Variants in BDH2 observed in about 807,000 individuals in gnomAD.
BDH2 encodes the protein dehydrogenase/reductase SDR family member 6.
A neutral mutation model predicts 33.2 loss-of-function variants in BDH2; 24 were observed. That is an observed-to-expected ratio of 0.72 (90% CI 0.52 to 1.02). The LOEUF (loss-of-function observed/expected upper bound fraction) is 1.02. Ranked by LOEUF, BDH2 falls within the 50% of genes least tolerant of loss-of-function variation. The pLI is 0.00. For synonymous variants in BDH2, 81 were observed against 101.6 expected, an observed-to-expected ratio of 0.80 and a Z score of 1.22; for missense variants, 249 against 301.6, an observed-to-expected ratio of 0.83 and a Z score of 1.29.
intron 5 of BDH2, among the ~76,000 whole-genome samples, chr4:103,087,359 G>A (rs1316814594): frequency 1.3e-5 from 2 of 152,172 alleles, no homozygotes; most frequent in Non-Finnish European, 2.9e-5. Context: ...GTTCAGACTT[G>A]GGGATTGCAA....
intron 5 of BDH2, among the ~76,000 whole-genome samples, chr4:103,090,518 GA>G (rs1288313254): frequency 6.6e-6 from 1 of 152,188 alleles, no homozygotes; most frequent in Non-Finnish European, 1.5e-5. Flanking sequence ...AGCCTAGACT[GA>G]AATTCACGAA....
intron 4 of BDH2, chr4:103,091,872 A>G: frequency 2.4e-6 from 1 of 424,366 alleles, no homozygotes; most frequent in Admixed American, 2.7e-5. Context: ...TTGCAAGGAA[A>G]ACAAGTGTCT....
At chr4:103,091,896 C>T (rs1453538992) in intron 4 of BDH2, among the ~76,000 whole-genome samples, 2 of 152,180 alleles carry the variant, frequency 1.3e-5, no homozygotes, top group Admixed American at 1.3e-4. Context: ...CATCTCAGAG[C>T]AGCAAAGTGA....
At chr4:103,090,657 C>T (rs569739651) in intron 5 of BDH2, among the ~76,000 whole-genome samples, 4 of 152,296 alleles carry the variant, frequency 2.6e-5, no homozygotes, top group East Asian at 1.9e-4. Context: ...CTACCTCATA[C>T]GATCATTCCA....
chr4:103,080,677 A>G (rs1053781672), intron 9 of BDH2, among the ~76,000 whole-genome samples: 1 of 152,242 alleles, frequency 6.6e-6, no homozygotes. Flanking sequence ...TACACATATG[A>G]ACTCCTCTGG....
chr4:103,098,462 C>T (rs1748510424), intron 1 of BDH2, among the ~76,000 whole-genome samples: 1 of 152,184 alleles, frequency 6.6e-6, no homozygotes, highest in Non-Finnish European at 1.5e-5. Context: ...GACCGCTGAC[C>T]CCAGGAAGTA....
Position 103,077,679 on chromosome 4 carries a change from C to A in BDH2, c.*2023G>T, listed in dbSNP as rs922643611. 1.6e-4 allele frequency among the ~76,000 whole-genome samples: 24 copies of A among 152,076 alleles called. No homozygotes were observed. The highest frequency in any genetic ancestry group is 5.1e-4 in the African/African-American group (21 of 41,402). On this transcript the variant is annotated 3_prime_UTR_variant, in exon 10 of 10. Transcript: ENST00000296424. ...GCTATACATATATTATACATGTATACCTGCTCACAGCATAAAGTATTTCAT... is the reference window on the plus strand; with the variant it reads ...GCTATACATATATTATACATGTATAACTGCTCACAGCATAAAGTATTTCAT...
Position 103,077,641 on chromosome 4 carries a change from T to G in BDH2, c.*2061A>C, listed in dbSNP as rs187829396. Among the ~76,000 whole-genome samples the G allele has an allele frequency of 1.6e-4, 24 of 152,354 alleles. No individual in the cohort carries two copies. The highest frequency in any genetic ancestry group is 1.1e-3 in the Admixed American group (17 of 15,300). On this transcript the variant is annotated 3_prime_UTR_variant, in exon 10 of 10. Transcript: ENST00000296424. ...AATTCGTTGTGCATTTATTTAAAATTTATTTGTTCATAGCTATACATATAT... is the reference window on the plus strand; with the variant it reads ...AATTCGTTGTGCATTTATTTAAAATGTATTTGTTCATAGCTATACATATAT...
At chr4:103,086,598 AC>A in intron 5 of BDH2, 58 bp from the exon 6 acceptor site, 1 of 1,534,964 alleles carries the variant, frequency 6.5e-7, no homozygotes, top group Non-Finnish European at 8.7e-7. Context: ...CTAAAATACT[AC>A]CTTTTAAAAA....
intron 5 of BDH2, among the ~76,000 whole-genome samples, chr4:103,090,774 G>A (rs1002046226): frequency 2.6e-5 from 4 of 152,080 alleles, no homozygotes; most frequent in Non-Finnish European, 4.4e-5. Context: ...TCACCTTTGC[G>A]GTGGAGTCCA....
rs1045207202 is a variant in BDH2, at chr4:103,096,364, TTAAGAA to T, written c.-20-96_-20-91del. 9 of 770,926 alleles carry T rather than the reference TTAAGAA, an allele frequency of 1.2e-5. No individual in the cohort carries two copies. In the African/African-American group the frequency reaches 1.5e-4, roughly 13 times the overall value. The allele number at this position is 770,926 out of a possible 1,614,324, so 47.8% of individuals were successfully genotyped here. The stretch of plus-strand genomic sequence containing the variant: ...AGAATGAATAGTTCAGTGTGCTCTT[TTAAGAA>T]TAATTTAGTGAGCTCCTTCAGGAAC... On this transcript the variant is annotated intron_variant, in intron 1 of 9. Coordinates refer to ENST00000296424, the MANE Select transcript of BDH2 (RefSeq NM_020139.4).
In BDH2 at chr4:103,091,688, T is replaced by C. The variant is rs113897577; in HGVS notation, c.249-403A>G. 5.8e-3 allele frequency: 2,631 copies of C among 454,650 alleles called. 56 individuals carry two copies. Among genetic ancestry groups the C allele is most frequent in the African/African-American group, 0.048 (2,403 of 49,950 alleles). The allele number at this position is 454,650 out of a possible 1,614,324, so 28.2% of individuals were successfully genotyped here. On this transcript the variant is annotated intron_variant, in intron 4 of 9. Transcript: ENST00000296424. ...TGAGCCCAGGAGTTTTAGGATGCAG[T>C]GAGCTATGATCATTCCACTGCCCTC...
rs1163900079 is a variant in BDH2, at chr4:103,093,755, TG to T, written c.152-1060del. Reference sequence around the variant, plus strand: ...ATATAATATATAATTATCTATAATGTGTATTATATTTTATAATTTATAATAT... The same window carrying T: ...ATATAATATATAATTATCTATAATGTTATTATATTTTATAATTTATAATAT... On this transcript the variant is annotated intron_variant, in intron 3 of 9. Coordinates refer to ENST00000296424, the MANE Select transcript of BDH2 (RefSeq NM_020139.4). 3.8e-4 allele frequency among the ~76,000 whole-genome samples: 56 copies of T among 147,472 alleles called. No individual in the cohort carries two copies. The South Asian group carries it at 0.012, about 31-fold the overall frequency.
At chr4:103,091,673 A>C (rs971656548) in intron 4 of BDH2, 42 of 454,280 alleles carry the variant, frequency 9.2e-5, no homozygotes, top group African/African-American at 7.0e-4. Flanking sequence ...TGAGCCCAGG[A>C]GTTTTAGGAT....
chr4:103,091,650 C>T (rs1010415366), intron 4 of BDH2: 1 of 450,820 alleles, frequency 2.2e-6, no homozygotes, highest in Non-Finnish European at 4.4e-6. Flanking sequence ...AAGGCTGAGG[C>T]AAGAGGACCA....
intron 7 of BDH2, 129 bp downstream of exon 7, chr4:103,085,220 T>G (rs530791412): frequency 2.9e-6 from 2 of 684,404 alleles, no homozygotes; most frequent in Non-Finnish European, 4.9e-6. Context: ...AGTCATTTTA[T>G]CTGTTGCAAC....
At chr4:103,096,140 A>G (rs1748390741) in intron 2 of BDH2, 43 bp downstream of exon 2, 2 of 1,441,490 alleles carry the variant, frequency 1.4e-6, no homozygotes, top group Admixed American at 1.7e-5. Flanking sequence ...CAATATGTCA[A>G]GAGTTAGTAG....
chr4:103,098,255 A>C (rs1748502153), intron 1 of BDH2, among the ~76,000 whole-genome samples: 1 of 152,178 alleles, frequency 6.6e-6, no homozygotes, highest in South Asian at 2.1e-4. Flanking sequence ...TTCAGAGATG[A>C]GATAGGTAGG....
intron 3 of BDH2, among the ~76,000 whole-genome samples, chr4:103,094,760 A>T (rs1446372680): frequency 6.6e-6 from 1 of 152,078 alleles, no homozygotes; most frequent in Non-Finnish European, 1.5e-5. Flanking sequence ...AAAATATATT[A>T]TTAAATTAAT....
Sources: gnomAD v4.1 joint callset for allele counts (sites outside exome capture counted in the v4.1 genomes callset) on GRCh38, gnomAD v4.1.1 for gene constraint, MANE v1.5 for transcripts, NCBI Gene and HGNC (gene_info 2026-07-23, HGNC 2026-07-21) for gene names.